KIRREL1: variants seen among roughly 807,000 people sequenced by gnomAD.
KIRREL1 encodes the protein kirre like nephrin family adhesion molecule 1.
A neutral mutation model predicts 83.3 loss-of-function variants in KIRREL1; 25 were observed. The ratio of observed to expected loss-of-function variants is 0.30; its 90% CI spans 0.22 to 0.42. The LOEUF (loss-of-function observed/expected upper bound fraction) is 0.42. Ranked by LOEUF, KIRREL1 falls within the 10% of genes least tolerant of loss-of-function variation. The pLI, the probability that KIRREL1 is intolerant of heterozygous loss-of-function variation, is 1.00. For missense variants in KIRREL1, 812 were observed against 1,032.3 expected (o/e 0.79, Z 2.92); for synonymous variants, 388 against 410.4 (o/e 0.95, Z 0.66).
chr1:158,011,597 CAG>C (rs1404859073), intron 1 of KIRREL1, among the ~76,000 whole-genome samples: 2 of 152,184 alleles, frequency 1.3e-5, no homozygotes, highest in African/African-American at 4.8e-5. Context: ...TCCCCTTTCT[CAG>C]GGGTAGGTCT....
In KIRREL1 at chr1:158,094,361, A is replaced by C; in HGVS notation, c.1768A>C (p.Ile590Leu). The C allele has an allele frequency of 6.2e-7, 1 of 1,607,486 alleles. No individual in the cohort carries two copies. Among genetic ancestry groups the C allele is most frequent in the African/African-American group, 1.3e-5 (1 of 74,718 alleles). The change falls in exon 14 of 15, where the codon ATC becomes CTC. Residue 590 changes from isoleucine (I) to leucine (L), a missense_variant. By Grantham distance (5) the Ile-to-Leu change is conservative. Around this residue, in one of 3 missense-constraint regions of KIRREL1, gnomAD observed 334 missense variants for 383.7 expected, o/e 0.87. Transcript: ENST00000359209. This position sits in a 1 kb window ranked among gnomAD's most constrained non-coding sequence, Gnocchi z 4.6. ...DLKQDLRCDTIDTREEYEMKD... is the reference protein window; with the variant it reads ...DLKQDLRCDTLDTREEYEMKD... ...GAAGCAGGACCTGCGCTGCGACACC[A>C]TCGACACCCGGGAGGAGTATGAGAT...
At position 158,088,135 on chromosome 1, in the gene KIRREL1, C is replaced by T. The variant is rs772383389; in HGVS notation, c.897C>T (p.Ser299=). Residue 299 remains serine (S), a synonymous_variant, in exon 7 of 15, where the codon AGC becomes AGT. Transcript: ENST00000359209. ...ACAAAGTGGGAAGCACCAATGTCAG[C>T]ACTTTAGTAAATGTCCACTGTGAGT... ...VHNKVGSTNV[S]TLVNVHFAPR... is the part of the protein sequence containing the mutation. 1 of 1,614,046 alleles carries T rather than the reference C, an allele frequency of 6.2e-7. No individual in the cohort carries two copies. Among genetic ancestry groups the T allele is most frequent in the Non-Finnish European group, 8.5e-7 (1 of 1,180,048 alleles).
At chr1:158,056,789 G>GTGC (rs1661075639) in intron 1 of KIRREL1, among the ~76,000 whole-genome samples, 1 of 152,162 alleles carries the variant, frequency 6.6e-6, no homozygotes, top group South Asian at 2.1e-4. Context: ...CTGGGCGGGG[G>GTGC]TGCTGGCAGC....
chr1:158,010,342 CACACACACACACACACACA>C (rs1557987013), intron 1 of KIRREL1, among the ~76,000 whole-genome samples: 8 of 147,848 alleles, frequency 5.4e-5, no homozygotes, highest in Non-Finnish European at 1.2e-4. Context: ...CACACACACA[CACACACACACACACACACA>C]CCCCACACAG....
intron 8 of KIRREL1, 35 bp from the exon 9 acceptor site, chr1:158,089,467 C>CT: frequency 2.5e-6 from 4 of 1,612,988 alleles, no homozygotes; most frequent in Non-Finnish European, 3.4e-6. Context: ...CCCAGGCCTC[C>CT]TGGCTCCCCA....
chr1:157,995,553 C>T (rs1659171083), intron 1 of KIRREL1, among the ~76,000 whole-genome samples: 2 of 152,068 alleles, frequency 1.3e-5, no homozygotes, highest in Admixed American at 6.5e-5. Flanking sequence ...ATGTTGGGGG[C>T]AAGCTTATGT....
intron 1 of KIRREL1, among the ~76,000 whole-genome samples, chr1:158,046,050 A>G (rs1444277283): frequency 6.6e-6 from 1 of 152,234 alleles, no homozygotes; most frequent in Non-Finnish European, 1.5e-5. Flanking sequence ...GTGACATGGT[A>G]TAATTCATGT....
chr1:158,071,500 G>A (rs1160704142), intron 1 of KIRREL1, among the ~76,000 whole-genome samples: 1 of 152,196 alleles, frequency 6.6e-6, no homozygotes, highest in Non-Finnish European at 1.5e-5. Flanking sequence ...CAAAGCAGAT[G>A]GGAATACACT....
chr1:158,050,929 C>A (rs968985802), intron 1 of KIRREL1, among the ~76,000 whole-genome samples: 8 of 152,236 alleles, frequency 5.3e-5, no homozygotes, highest in African/African-American at 1.9e-4. Flanking sequence ...ACTATCTACA[C>A]TTTACCAAAA....
intron 1 of KIRREL1, among the ~76,000 whole-genome samples, chr1:158,022,283 A>G (rs1046376319): frequency 6.6e-6 from 1 of 152,204 alleles, no homozygotes; most frequent in Non-Finnish European, 1.5e-5. Context: ...CCCAAAAAAG[A>G]GAATCTCAGA....
Position 158,087,876 on chromosome 1 carries a change from G to T in KIRREL1, c.767+16G>T, listed in dbSNP as rs753676555. Reference sequence around the variant, plus strand: ...TGGGCTACAGGTGAGGGGGTCAGAGGCTGGGAGCGCTCTGGGGAGTGATAA... The same window carrying T: ...TGGGCTACAGGTGAGGGGGTCAGAGTCTGGGAGCGCTCTGGGGAGTGATAA... On this transcript the variant is annotated intron_variant, in intron 6 of 14. Coordinates refer to ENST00000359209, the MANE Select transcript of KIRREL1 (RefSeq NM_018240.7). The T allele has an allele frequency of 1.9e-6, 3 of 1,611,276 alleles. No homozygotes were observed. In the South Asian group the frequency reaches 3.3e-5, roughly 18 times the overall value.
chr1:158,014,647 T>C (rs896469493), intron 1 of KIRREL1, among the ~76,000 whole-genome samples: 1 of 121,024 alleles, frequency 8.3e-6, no homozygotes, highest in Non-Finnish European at 1.6e-5. Context: ...GCGAGCTTTC[T>C]CTCCTTCACT....
Position 158,094,434 on chromosome 1 carries a change from AG to A in KIRREL1, c.1797+45del. 6.3e-7 allele frequency: 1 copy of A among 1,581,346 alleles called. No individual in the cohort carries two copies. Among genetic ancestry groups the A allele is most frequent in the Middle Eastern group, 1.7e-4 (1 of 5,996 alleles). On this transcript the variant is annotated intron_variant, in intron 14 of 14. Transcript: ENST00000359209. The surrounding 1 kb of genome is among the most constrained non-coding windows in gnomAD (Gnocchi z 4.6). ...GCCAGGGCATGAGGGCTGGTGGGCC[AG>A]TGGGTTTCTGAGGTCCTGTAGCGGG... is the stretch of plus-strand genomic sequence containing the variant.
At chr1:158,044,498 G>C (rs1222503858) in intron 1 of KIRREL1, among the ~76,000 whole-genome samples, 5 of 151,930 alleles carry the variant, frequency 3.3e-5, no homozygotes, top group Non-Finnish European at 7.4e-5. Flanking sequence ...TTGTTTGTTT[G>C]CTTGTTTGTT....
chr1:158,059,070 C>T (rs1044479950), intron 1 of KIRREL1, among the ~76,000 whole-genome samples: 1 of 152,120 alleles, frequency 6.6e-6, no homozygotes, highest in Admixed American at 6.5e-5. Context: ...CAGCACCCTT[C>T]CCACTGCATG....
rs777513529 is a variant in KIRREL1 at position 158,096,491 on chromosome 1, G to A, written c.*1371G>A. 5 of 432,124 alleles carry A rather than the reference G, an allele frequency of 1.2e-5. No homozygotes were observed. Among genetic ancestry groups the A allele is most frequent in the South Asian group, 6.6e-5 (4 of 60,948 alleles). The allele number at this position is 432,124 out of a possible 1,614,324, so 26.8% of individuals were successfully genotyped here. A position where few individuals can be genotyped will look rare whatever the true frequency, so the allele number is the denominator to read the frequency against. On this transcript the variant is annotated 3_prime_UTR_variant, in exon 15 of 15. Coordinates refer to ENST00000359209, the MANE Select transcript of KIRREL1 (RefSeq NM_018240.7). The stretch of plus-strand genomic sequence containing the variant: ...GGGGAGTGGGTACTTGTGAGCCTCG[G>A]ACACACTGTTAAGTGTTACAGTGTT...
chr1:158,044,033 C>T (rs1176950885), intron 1 of KIRREL1, among the ~76,000 whole-genome samples: 5 of 152,140 alleles, frequency 3.3e-5, no homozygotes, highest in African/African-American at 1.2e-4. Context: ...AGAACAAGCT[C>T]GGTGTTTTGG....
intron 1 of KIRREL1, among the ~76,000 whole-genome samples, chr1:158,066,562 C>T (rs1455159918): frequency 6.6e-6 from 1 of 152,158 alleles, no homozygotes; most frequent in African/African-American, 2.4e-5. Flanking sequence ...AGTTTCCTTC[C>T]CTCCCACTGT....
intron 1 of KIRREL1, among the ~76,000 whole-genome samples, chr1:158,004,130 T>G (rs571618928): frequency 6.6e-6 from 1 of 152,298 alleles, no homozygotes; most frequent in Admixed American, 6.5e-5. Flanking sequence ...GCCTCAGTTT[T>G]CTCATCTATA....
Sources: gnomAD v4.1 joint callset for allele counts (sites outside exome capture counted in the v4.1 genomes callset) on GRCh38, gnomAD v4.1.1 for gene constraint, gnomAD v4.1.1 regional missense constraint, Gnocchi (gnomAD v3.1) non-coding constraint, MANE v1.5 for transcripts, NCBI Gene and HGNC (gene_info 2026-07-23, HGNC 2026-07-21) for gene names.